PITPNC1: variants seen among roughly 807,000 people sequenced by gnomAD.
PITPNC1 encodes the protein phosphatidylinositol transfer protein cytoplasmic 1.
A neutral mutation model predicts 44.7 loss-of-function variants in PITPNC1; 18 were observed. The observed-to-expected ratio is 0.40, with a 90% CI of 0.28 to 0.60. The LOEUF is 0.60. Ranked by LOEUF, PITPNC1 falls within the 20% of genes least tolerant of loss-of-function variation. PITPNC1 has a pLI of 0.39. For missense variants in PITPNC1, 290 were observed against 418.4 expected (o/e 0.69, Z 2.68); for synonymous variants, 141 against 149.6 (o/e 0.94, Z 0.42).
At chr17:67,413,066 T>C (rs867634083) in intron 1 of PITPNC1, among the ~76,000 whole-genome samples, 1 of 152,206 alleles carries the variant, frequency 6.6e-6, no homozygotes. Context: ...GAGATTACAT[T>C]AGGAATTAAA....
intron 1 of PITPNC1, among the ~76,000 whole-genome samples, chr17:67,393,166 A>G (rs2038163944): frequency 6.6e-6 from 1 of 152,012 alleles, no homozygotes; most frequent in African/African-American, 2.4e-5. Flanking sequence ...TGTTAAAAAT[A>G]TACACATAAC....
intron 4 of PITPNC1, among the ~76,000 whole-genome samples, chr17:67,577,636 T>A (rs1221988179): frequency 1.3e-5 from 2 of 151,132 alleles, no homozygotes; most frequent in South Asian, 2.1e-4. Flanking sequence ...AAATTTTTTT[T>A]ATTTTACTTT....
At chr17:67,658,777 C>T (rs1487830576) in intron 6 of PITPNC1, among the ~76,000 whole-genome samples, 1 of 152,020 alleles carries the variant, frequency 6.6e-6, no homozygotes, top group Non-Finnish European at 1.5e-5. Context: ...CGTCTTTGTC[C>T]TATCCTTTAC....
At chr17:67,396,778 C>T (rs2038226284) in intron 1 of PITPNC1, among the ~76,000 whole-genome samples, 1 of 152,022 alleles carries the variant, frequency 6.6e-6, no homozygotes, top group Non-Finnish European at 1.5e-5. Flanking sequence ...CCTCAGCCTC[C>T]TGAATAGCTG....
chr17:67,618,160 T>G (rs1454757531), intron 5 of PITPNC1, among the ~76,000 whole-genome samples: 3 of 151,994 alleles, frequency 2.0e-5, no homozygotes, highest in African/African-American at 7.3e-5. Context: ...GGTCAGGAAT[T>G]CGAGACCAGC....
rs575604537 is a variant in PITPNC1, at chr17:67,696,952, C to G, written c.*4064C>G. 1 of 152,200 alleles carries G rather than the reference C, an allele frequency of 6.6e-6. No homozygotes were observed. Among genetic ancestry groups the G allele is most frequent in the Non-Finnish European group, 1.5e-5 (1 of 68,046 alleles). 9.4% of individuals were successfully genotyped at this position (152,200 alleles called of 1,614,324 possible). A position where few individuals can be genotyped will look rare whatever the true frequency, so the allele number is the denominator to read the frequency against. ...TTCTATATATCACCCAGGAGAGGGT[C>G]TCTGAGTTGGTGTTGTACCTGTACC... On this transcript the variant is annotated 3_prime_UTR_variant, in exon 9 of 9. Coordinates refer to ENST00000581322, the MANE Select transcript of PITPNC1 (RefSeq NM_012417.4).
At chr17:67,454,405 A>C (rs1273203025) in intron 1 of PITPNC1, among the ~76,000 whole-genome samples, 4 of 152,236 alleles carry the variant, frequency 2.6e-5, no homozygotes, top group Non-Finnish European at 4.4e-5. Flanking sequence ...AATGAATAAT[A>C]GTACCTATTT....
At chr17:67,419,115 G>A (rs368922371) in intron 1 of PITPNC1, among the ~76,000 whole-genome samples, 8 of 152,030 alleles carry the variant, frequency 5.3e-5, no homozygotes, top group African/African-American at 1.9e-4. Context: ...GTATTAAGCA[G>A]AGACTGTGGC....
intron 1 of PITPNC1, among the ~76,000 whole-genome samples, chr17:67,484,227 C>G (rs189206726): frequency 6.6e-6 from 1 of 151,292 alleles, no homozygotes; most frequent in Non-Finnish European, 1.5e-5. Context: ...CTGTTAATAA[C>G]GCTTTTCTTC....
chr17:67,671,468 T>C (rs76820049), intron 7 of PITPNC1, among the ~76,000 whole-genome samples: 3,137 of 152,280 alleles, frequency 0.021, 119 homozygotes, highest in African/African-American at 0.071. Context: ...CACTGAGCTT[T>C]TTGTTACTTA....
intron 1 of PITPNC1, among the ~76,000 whole-genome samples, chr17:67,448,741 T>C (rs983329497): frequency 1.3e-4 from 20 of 152,158 alleles, no homozygotes; most frequent in Non-Finnish European, 2.5e-4. Flanking sequence ...TAGGCCATAC[T>C]TACTAGGCTG....
chr17:67,378,599 G>A (rs921012895), intron 1 of PITPNC1, among the ~76,000 whole-genome samples: 3 of 152,230 alleles, frequency 2.0e-5, no homozygotes, highest in Middle Eastern at 3.4e-3. Context: ...TCCCCTCCCC[G>A]CCCTCTGCGG....
intron 1 of PITPNC1, among the ~76,000 whole-genome samples, chr17:67,501,754 A>G (rs2040032856): frequency 6.6e-6 from 1 of 152,118 alleles, no homozygotes; most frequent in Non-Finnish European, 1.5e-5. Context: ...AATTGCTCGA[A>G]CGTGGGAGGT....
chr17:67,610,361 G>T (rs528081702), intron 5 of PITPNC1, among the ~76,000 whole-genome samples: 6 of 152,324 alleles, frequency 3.9e-5, no homozygotes, highest in African/African-American at 1.4e-4. Flanking sequence ...ACTGAGGCAA[G>T]ATTCTCAAAA....
chr17:67,599,032 ATATTTTTT>A (rs1336659250), intron 5 of PITPNC1, among the ~76,000 whole-genome samples: 19 of 29,278 alleles, frequency 6.5e-4, no homozygotes, highest in African/African-American at 1.9e-3. Flanking sequence ...ATATATATAT[ATATTTTTT>A]TTTTTTTTTT....
chr17:67,442,042 C>T (rs934928447), intron 1 of PITPNC1, among the ~76,000 whole-genome samples: 25 of 151,884 alleles, frequency 1.6e-4, no homozygotes, highest in African/African-American at 5.8e-4. Context: ...TGTATTTCCA[C>T]ATTCTTTCAT....
Position 67,695,429 on chromosome 17 carries a change from T to C in PITPNC1, c.*2541T>C, listed in dbSNP as rs1599015687. On this transcript the variant is annotated 3_prime_UTR_variant, in exon 9 of 9. Coordinates refer to ENST00000581322, the MANE Select transcript of PITPNC1 (RefSeq NM_012417.4). ...CAATGGATGTATATATACAGAACATTAATAATTCTTAGAAGGATGGAAGCC... is the reference window on the plus strand; with the variant it reads ...CAATGGATGTATATATACAGAACATCAATAATTCTTAGAAGGATGGAAGCC... The C allele has an allele frequency of 1.3e-5, 2 of 152,014 alleles. No homozygotes were observed. The highest frequency in any genetic ancestry group is 2.1e-4 in the South Asian group (1 of 4,818). 9.4% of individuals were successfully genotyped at this position (152,014 alleles called of 1,614,324 possible).
intron 1 of PITPNC1, among the ~76,000 whole-genome samples, chr17:67,485,068 G>C (rs2039758474): frequency 6.6e-6 from 1 of 152,194 alleles, no homozygotes; most frequent in South Asian, 2.1e-4. Context: ...GAAAGGTCAA[G>C]TGACTTCCCT....
intron 5 of PITPNC1, among the ~76,000 whole-genome samples, chr17:67,620,838 A>C (rs907546813): frequency 6.6e-6 from 1 of 152,230 alleles, no homozygotes; most frequent in African/African-American, 2.4e-5. Flanking sequence ...TTTACCTCCC[A>C]CTGTATTACC....
Sources: gnomAD v4.1 joint callset for allele counts (sites outside exome capture counted in the v4.1 genomes callset) on GRCh38, gnomAD v4.1.1 for gene constraint, MANE v1.5 for transcripts, NCBI Gene and HGNC (gene_info 2026-07-23, HGNC 2026-07-21) for gene names.